Variants in BEST3 observed in about 807,000 individuals in gnomAD.
The protein encoded by BEST3 is bestrophin-3.
BEST3 carries 50 observed loss-of-function variants against 47.1 expected under a neutral mutation model. That is an observed-to-expected ratio of 1.06 (90% CI 0.85 to 1.34). The LOEUF is 1.34. BEST3 is among the 40% of genes most tolerant of loss of function. BEST3 has a pLI of 0.00. For synonymous variants in BEST3, 282 were observed against 298.8 expected (o/e 0.94, Z 0.58); for missense variants, 765 against 817.0 (o/e 0.94, Z 0.78).
At chr12:69,651,895 C>G (rs967986135), downstream of BEST3, among the ~76,000 whole-genome samples, 7 of 151,824 alleles carry the variant, frequency 4.6e-5, no homozygotes, top group Non-Finnish European at 8.8e-5. Flanking sequence ...TTAAACAAAT[C>G]TTTACTTTCA....
At chr12:69,649,809 G>C (rs1402429450), downstream of BEST3, among the ~76,000 whole-genome samples, 1 of 152,234 alleles carries the variant, frequency 6.6e-6, no homozygotes, top group East Asian at 1.9e-4. Context: ...CTCTGGCTGA[G>C]AGCCACTGGC....
chr12:69,653,642 A>G lies in BEST3; in HGVS notation c.*1265T>C. On this transcript the variant is annotated 3_prime_UTR_variant, in exon 10 of 10. Transcript: ENST00000330891. ...AGGGTTATTTTATTTCTAAAGCCATATGTAGTCAAGTGCCATCATATGACA... is the reference window on the plus strand; with the variant it reads ...AGGGTTATTTTATTTCTAAAGCCATGTGTAGTCAAGTGCCATCATATGACA... 1 of 985,416 alleles carries G rather than the reference A, an allele frequency of 1.0e-6. No individual in the cohort carries two copies. The highest frequency in any genetic ancestry group is 1.2e-6 in the Non-Finnish European group (1 of 829,904). 61.0% of individuals were successfully genotyped at this position (985,416 alleles called of 1,614,324 possible).
intron 9 of BEST3, among the ~76,000 whole-genome samples, chr12:69,663,906 C>A (rs1039545697): frequency 3.3e-5 from 5 of 152,104 alleles, no homozygotes; most frequent in Non-Finnish European, 4.4e-5. Context: ...TACAAAAGAA[C>A]AAGCAAAACA....
intron 2 of BEST3, among the ~76,000 whole-genome samples, chr12:69,696,353 T>C (rs1886133068): frequency 6.6e-6 from 1 of 152,168 alleles, no homozygotes; most frequent in Admixed American, 6.5e-5. Flanking sequence ...ACATTGCAAC[T>C]GTACTAAGGG....
downstream of BEST3, among the ~76,000 whole-genome samples, chr12:69,648,692 A>G (rs1398099208): frequency 6.6e-6 from 1 of 152,200 alleles, no homozygotes; most frequent in Non-Finnish European, 1.5e-5. Context: ...ATGAATGACT[A>G]TGAATACAAG....
chr12:69,655,343 G>A lies in BEST3; in HGVS notation c.1571C>T (p.Thr524Ile), dbSNP rs1462650288. 1 of 1,614,184 alleles carries A rather than the reference G, an allele frequency of 6.2e-7. No individual in the cohort carries two copies. The highest frequency in any genetic ancestry group is 1.7e-5 in the Admixed American group (1 of 60,026). ...TSGGYHHDSA[T>I]SILSSEFTGV... is the part of the protein sequence containing the mutation. ...TGTAAACTCAGAGCTCAAGATGGAG[G>A]TAGCGGAATCATGGTGGTAGCCCCC... Residue 524 changes from threonine to isoleucine, a missense_variant, in exon 10 of 10, where the codon ACC (threonine) becomes ATC (isoleucine). Transcript: ENST00000330891.
At chr12:69,663,801 T>A (rs892799910) in intron 9 of BEST3, among the ~76,000 whole-genome samples, 3 of 152,112 alleles carry the variant, frequency 2.0e-5, no homozygotes, top group African/African-American at 7.2e-5. Context: ...CCATCCTGGG[T>A]GACAGAGGGA....
chr12:69,656,369 A>ATCTGTCTG (rs141851704), intron 9 of BEST3, among the ~76,000 whole-genome samples: 5 of 149,996 alleles, frequency 3.3e-5, no homozygotes, highest in Non-Finnish European at 5.9e-5. Context: ...CTATGAATCT[A>ATCTGTCTG]TCTGTCTGTC....
chr12:69,665,610 CAAAAAAACAAACA>C (rs869219484), intron 9 of BEST3, among the ~76,000 whole-genome samples: 1 of 38,984 alleles, frequency 2.6e-5, no homozygotes, highest in Non-Finnish European at 5.8e-5. Context: ...AAACAAAACA[CAAAAAAACAAACA>C]AAAAAAAAGG....
At chr12:69,657,868 G>A (rs1049208983) in intron 9 of BEST3, among the ~76,000 whole-genome samples, 2 of 152,178 alleles carry the variant, frequency 1.3e-5, no homozygotes, top group East Asian at 1.9e-4. Flanking sequence ...CCTCAGCAGC[G>A]CCCTTGGCTA....
At chr12:69,698,700 G>A (rs1444044352) in intron 1 of BEST3, among the ~76,000 whole-genome samples, 1 of 152,140 alleles carries the variant, frequency 6.6e-6, no homozygotes, top group African/African-American at 2.4e-5. Flanking sequence ...GATTTCTTTT[G>A]TAAAGTAGCC....
Position 69,654,883 on chromosome 12 carries a change from C to A in BEST3, c.*24G>T. ...GGGGAGGTAAGAATCTAGGCTAGAA[C>A]CAGGTCCTAGAACTTGGTGGCACTC... On this transcript the variant is annotated 3_prime_UTR_variant, in exon 10 of 10. Coordinates refer to ENST00000330891, the MANE Select transcript of BEST3 (RefSeq NM_032735.3). The A allele has an allele frequency of 6.3e-7, 1 of 1,591,934 alleles. No homozygotes were observed. The highest frequency in any genetic ancestry group is 1.1e-5 in the South Asian group (1 of 87,770).
At chr12:69,688,428 T>G (rs1885761375) in intron 4 of BEST3, among the ~76,000 whole-genome samples, 1 of 152,252 alleles carries the variant, frequency 6.6e-6, no homozygotes. Context: ...ATTTTTATTT[T>G]CATATAAGCA....
chr12:69,674,501 T>C (rs1371427721), intron 7 of BEST3, among the ~76,000 whole-genome samples: 1 of 152,180 alleles, frequency 6.6e-6, no homozygotes, highest in Non-Finnish European at 1.5e-5. Flanking sequence ...AGCCTCACAG[T>C]GATATCTATG....
chr12:69,689,904 A>G (rs999905637), intron 4 of BEST3, among the ~76,000 whole-genome samples: 2 of 152,228 alleles, frequency 1.3e-5, no homozygotes, highest in Admixed American at 6.5e-5. Flanking sequence ...CTTTGTTATC[A>G]GTAATGAGTT....
At chr12:69,645,955 G>C (rs1202038626) in intron 9 of BEST3, among the ~76,000 whole-genome samples, 1 of 152,050 alleles carries the variant, frequency 6.6e-6, no homozygotes, top group Admixed American at 6.6e-5. Flanking sequence ...TTATTTATTT[G>C]AGATGGAGTC....
intron 9 of BEST3, among the ~76,000 whole-genome samples, chr12:69,671,188 A>G (rs1884546243): frequency 6.6e-6 from 1 of 152,190 alleles, no homozygotes; most frequent in Admixed American, 6.5e-5. Flanking sequence ...TTCTTGAGAC[A>G]GGGCTTCACT....
At position 69,666,994 on chromosome 12, in the gene BEST3, C is replaced by T. The variant is rs148957305; in HGVS notation, c.1100+4434G>A. On this transcript the variant is annotated intron_variant, in intron 9 of 9. Transcript: ENST00000330891. ...CTGCTAACTCTGGCTCTGGTCTTATCCTCAGCTATCTGTCTTTCAGCCAGC... is the reference window on the plus strand; with the variant it reads ...CTGCTAACTCTGGCTCTGGTCTTATTCTCAGCTATCTGTCTTTCAGCCAGC... Among the ~76,000 whole-genome samples, 548 of 152,304 alleles carry T rather than the reference C, an allele frequency of 3.6e-3. 4 individuals carry two copies. Among genetic ancestry groups the T allele is most frequent in the African/African-American group, 0.012 (506 of 41,558 alleles).
chr12:69,699,223 G>T lies in BEST3; in HGVS notation c.-34C>A. ...CACTAACCTATTTATTTGGTTTGTAGTCTCCGACAGGAAAGAGAATCTTCA... is the reference window on the plus strand; with the variant it reads ...CACTAACCTATTTATTTGGTTTGTATTCTCCGACAGGAAAGAGAATCTTCA... On this transcript the variant is annotated 5_prime_UTR_variant, in exon 1 of 10. Coordinates refer to ENST00000330891, the MANE Select transcript of BEST3 (RefSeq NM_032735.3). 1 of 985,450 alleles carries T rather than the reference G, an allele frequency of 1.0e-6. No homozygotes were observed. The highest frequency in any genetic ancestry group is 1.2e-6 in the Non-Finnish European group (1 of 829,924). 61.0% of individuals were successfully genotyped at this position (985,450 alleles called of 1,614,324 possible). A position where few individuals can be genotyped will look rare whatever the true frequency, so the allele number is the denominator to read the frequency against.
Sources: gnomAD v4.1 joint callset for allele counts (sites outside exome capture counted in the v4.1 genomes callset) on GRCh38, gnomAD v4.1.1 for gene constraint, MANE v1.5 for transcripts, NCBI Gene and HGNC (gene_info 2026-07-23, HGNC 2026-07-21) for gene names.